SRP72: variants seen among roughly 807,000 people sequenced by gnomAD.
The protein encoded by SRP72 is signal recognition particle 72.
Under a neutral mutation model 96.3 loss-of-function variants are expected in SRP72, and 49 were observed. The observed-to-expected ratio is 0.51, with a 90% CI of 0.40 to 0.65. The LOEUF (loss-of-function observed/expected upper bound fraction) is 0.65, where lower values mean the gene tolerates loss of function less well. Ranked by LOEUF, SRP72 falls within the 30% of genes least tolerant of loss-of-function variation. SRP72 has a pLI of 0.00. For synonymous variants in SRP72, 267 were observed against 275.2 expected (o/e 0.97, Z 0.30); for missense variants, 736 against 793.3 (o/e 0.93, Z 0.87).
rs1453147327 is a variant in SRP72 at position 56,490,648 on chromosome 4, A to T, written c.1502+3A>T. Reference sequence around the variant, plus strand: ...GTAGATCCAGAGAAAGCCAAAGCGTATCCTTTTGATTGTTATTCCTTACAG... The same window carrying T: ...GTAGATCCAGAGAAAGCCAAAGCGTTTCCTTTTGATTGTTATTCCTTACAG... On this transcript the variant is annotated splice_donor_region_variant and intron_variant, in intron 15 of 18. Transcript: ENST00000642900. 3.7e-6 allele frequency: 6 copies of T among 1,612,488 alleles called. No homozygotes were observed. The highest frequency in any genetic ancestry group is 5.1e-6 in the Non-Finnish European group (6 of 1,178,728).
intron 17 of SRP72, among the ~76,000 whole-genome samples, chr4:56,497,664 AAAAAG>A (rs1234690016): frequency 1.3e-5 from 2 of 152,168 alleles, no homozygotes; most frequent in Non-Finnish European, 2.9e-5. Context: ...ATCTTTAAAA[AAAAAG>A]AAAAGGAGTA....
At position 56,503,505 on chromosome 4, in the gene SRP72, G is replaced by A. The variant is rs1336919506; in HGVS notation, c.*1644G>A. The A allele has an allele frequency of 6.6e-6, 1 of 152,166 alleles. No homozygotes were observed. The highest frequency in any genetic ancestry group is 1.5e-5 in the Non-Finnish European group (1 of 68,038). The allele number at this position is 152,166 out of a possible 1,614,324, so 9.4% of individuals were successfully genotyped here. A position where few individuals can be genotyped will look rare whatever the true frequency, so the allele number is the denominator to read the frequency against. ...AAATAAGTTTTAATTGTCAAATGAA[G>A]TATAAACACATGAACTTTCTAGAAA... On this transcript the variant is annotated 3_prime_UTR_variant, in exon 19 of 19. Transcript: ENST00000642900.
In SRP72 at chr4:56,503,009, T is replaced by C. The variant is rs1471015480; in HGVS notation, c.*1148T>C. The C allele has an allele frequency of 6.6e-6, 1 of 152,188 alleles. No individual in the cohort carries two copies. The allele number at this position is 152,188 out of a possible 1,614,324, so 9.4% of individuals were successfully genotyped here. ...TATTCATTTTATGCTGCCCAAGATA[T>C]CATTTAATTTAGACTTAACAAGTAT... On this transcript the variant is annotated 3_prime_UTR_variant, in exon 19 of 19. Coordinates refer to ENST00000642900, the MANE Select transcript of SRP72 (RefSeq NM_006947.4).
chr4:56,470,893 C>T (rs1409303660), intron 2 of SRP72, among the ~76,000 whole-genome samples: 1 of 147,500 alleles, frequency 6.8e-6, no homozygotes, highest in South Asian at 2.1e-4. Flanking sequence ...CCTCCACCTT[C>T]CGGGTTCACG....
intron 3 of SRP72, 125 bp from the exon 4 acceptor site, chr4:56,473,927 AAC>A (rs751054129): frequency 1.0e-4 from 85 of 847,572 alleles, no homozygotes; most frequent in Admixed American, 5.4e-4. Context: ...ATAAAACATA[AAC>A]AGTTGATTGT....
In SRP72 at chr4:56,490,612, C is replaced by T. The variant is rs1355773721; in HGVS notation, c.1469C>T (p.Ala490Val). The T allele has an allele frequency of 6.2e-7, 1 of 1,613,854 alleles. No homozygotes were observed. Among genetic ancestry groups the T allele is most frequent in the Non-Finnish European group, 8.5e-7 (1 of 1,179,944 alleles). ...DIHTLAQLISAYSLVDPEKAK... is the reference protein window; with the variant it reads ...DIHTLAQLISVYSLVDPEKAK... ...CACACCCTGGCACAGCTTATTTCTG[C>T]TTACTCACTTGTAGATCCAGAGAAA... The change falls in exon 15 of 19, where the codon GCT becomes GTT. Residue 490 changes from alanine to valine, a missense_variant. This residue lies in a region of SRP72 where 388 missense variants were observed against 431.8 expected (regional missense o/e 0.90). Coordinates refer to ENST00000642900, the MANE Select transcript of SRP72 (RefSeq NM_006947.4).
Position 56,467,653 on chromosome 4 carries a change from C to A in SRP72, c.18C>A (p.Ser6Arg). 1 of 1,550,872 alleles carries A rather than the reference C, an allele frequency of 6.4e-7. No homozygotes were observed. Among genetic ancestry groups the A allele is most frequent in the Non-Finnish European group, 8.7e-7 (1 of 1,149,498 alleles). Residue 6 changes from serine (S) to arginine (R), a missense_variant, in exon 1 of 19, where the codon AGC (serine) becomes AGA (arginine). Transcript: ENST00000642900. ...CCTCCAAGATGGCGAGCGGCGGCAGCGGGGGGGTGTCAGTACCTGCGCTGT... is the reference window on the plus strand; with the variant it reads ...CCTCCAAGATGGCGAGCGGCGGCAGAGGGGGGGTGTCAGTACCTGCGCTGT... MASGGSGGVSVPALWS... is the reference protein window; with the variant it reads MASGGRGGVSVPALWS...
At position 56,483,125 on chromosome 4, in the gene SRP72, C is replaced by T. The variant is rs750715544; in HGVS notation, c.826-14C>T. 7 of 1,605,042 alleles carry T rather than the reference C, an allele frequency of 4.4e-6. No homozygotes were observed. In the East Asian group the frequency reaches 1.3e-4, roughly 31 times the overall value. ...TGAGATTCTGTTAATGATAGATAAACTTTTCTTTGTTAGGACCAAAATGTC... is the reference window on the plus strand; with the variant it reads ...TGAGATTCTGTTAATGATAGATAAATTTTTCTTTGTTAGGACCAAAATGTC... On this transcript the variant is annotated splice_polypyrimidine_tract_variant and intron_variant, in intron 8 of 18. Transcript: ENST00000642900.
intron 10 of SRP72, among the ~76,000 whole-genome samples, chr4:56,485,362 C>T (rs1274913019): frequency 7.0e-6 from 1 of 141,916 alleles, no homozygotes; most frequent in Non-Finnish European, 1.5e-5. Flanking sequence ...CTAACAGGGA[C>T]ACTCAGTGAA....
chr4:56,479,305 A>G (rs1720376293), intron 8 of SRP72, among the ~76,000 whole-genome samples: 7 of 151,780 alleles, frequency 4.6e-5, no homozygotes, highest in Admixed American at 3.3e-4. Context: ...TCAGCCTCCC[A>G]AGTAGCTGGG....
Position 56,476,700 on chromosome 4 carries a change from A to G in SRP72, c.640A>G (p.Thr214Ala). The G allele has an allele frequency of 3.1e-6, 5 of 1,612,588 alleles. No individual in the cohort carries two copies. In the South Asian group the frequency reaches 5.5e-5, roughly 18 times the overall value. The change falls in exon 6 of 19, where the codon ACT (threonine) becomes GCT (alanine). Residue 214 changes from threonine to alanine, a missense_variant and splice_region_variant. By Grantham distance (58) the Thr-to-Ala change is moderately conservative. Transcript: ENST00000642900. ...TTGCCGCCGTTCATTATCAGAAGAC[A>G]CTGTAAGTATTCCATCATTGTTAAA... ...DLCRRSLSED[T>A]DGTEEDPQAE...
In SRP72 at chr4:56,503,067, A is replaced by G. The variant is rs1386426118; in HGVS notation, c.*1206A>G. On this transcript the variant is annotated 3_prime_UTR_variant, in exon 19 of 19. Transcript: ENST00000642900. The stretch of plus-strand genomic sequence containing the variant: ...TGATTATATTACTCTGTCCTTGTTA[A>G]TAAAGTGCTGCTGTGTTTGACTCTG... 2 of 152,200 alleles carry G rather than the reference A, an allele frequency of 1.3e-5. No individual in the cohort carries two copies. Among genetic ancestry groups the G allele is most frequent in the Non-Finnish European group, 2.9e-5 (2 of 68,038 alleles). The allele number at this position is 152,200 out of a possible 1,614,324, so 9.4% of individuals were successfully genotyped here.
intron 16 of SRP72, among the ~76,000 whole-genome samples, chr4:56,493,233 A>T (rs1037218307): frequency 4.0e-5 from 6 of 151,642 alleles, no homozygotes; most frequent in African/African-American, 1.5e-4. Flanking sequence ...ACAGGGTTTC[A>T]CCATGTCGAT....
rs1719987127 is a variant in SRP72 at position 56,471,742 on chromosome 4, G to T, written c.253G>T (p.Ala85Ser). ...CAGTAACTCTCTCTCCTTTGAAAAG[G>T]CATATTGCGAGTACAGGCTGAACAG... ...LANNSLSFEK[A>S]YCEYRLNRIE... The change falls in exon 3 of 19, where the codon GCA becomes TCA. Residue 85 changes from alanine to serine, a missense_variant. This residue lies in a region of SRP72 where 329 missense variants were observed against 319.0 expected (regional missense o/e 1.03). Transcript: ENST00000642900. 1 of 1,613,538 alleles carries T rather than the reference G, an allele frequency of 6.2e-7. No individual in the cohort carries two copies. Among genetic ancestry groups the T allele is most frequent in the Non-Finnish European group, 8.5e-7 (1 of 1,179,800 alleles).
chr4:56,469,519 AGTT>A, intron 1 of SRP72, 131 bp from the exon 2 acceptor site: 1 of 754,404 alleles, frequency 1.3e-6, no homozygotes, highest in East Asian at 2.7e-5. Flanking sequence ...TGTTTCTTCC[AGTT>A]GTTCTGACCA....
intron 9 of SRP72, among the ~76,000 whole-genome samples, chr4:56,483,707 G>A (rs1164465658): frequency 5.3e-5 from 8 of 151,920 alleles, no homozygotes; most frequent in Non-Finnish European, 8.8e-5. Context: ...ATGTGTCATA[G>A]ATTTTATTTA....
At chr4:56,469,510 G>A in intron 1 of SRP72, 143 bp from the exon 2 acceptor site, 1 of 671,688 alleles carries the variant, frequency 1.5e-6, no homozygotes. Context: ...TTTTGTTGCT[G>A]TTTCTTCCAG....
chr4:56,486,365 A>T lies in SRP72; in HGVS notation c.1127A>T (p.Lys376Met), dbSNP rs1195110084. 1.2e-6 allele frequency: 2 copies of T among 1,605,808 alleles called. No homozygotes were observed. Among genetic ancestry groups the T allele is most frequent in the Admixed American group, 1.7e-5 (1 of 59,668 alleles). Residue 376 changes from lysine (K) to methionine (M), a missense_variant, in exon 11 of 19, where the codon AAG becomes ATG. Coordinates refer to ENST00000642900, the MANE Select transcript of SRP72 (RefSeq NM_006947.4). ...DQHPENAAEI[K>M]LTMAQLKISQ... Reference sequence around the variant, plus strand: ...CATCCAGAAAATGCAGCTGAAATTAAGCTGACCATGGCACAGTTGAAAATT... The same window carrying T: ...CATCCAGAAAATGCAGCTGAAATTATGCTGACCATGGCACAGTTGAAAATT...
intron 3 of SRP72, among the ~76,000 whole-genome samples, chr4:56,473,511 G>A (rs181372106): frequency 0.011 from 1,608 of 151,694 alleles, 33 homozygotes; most frequent in African/African-American, 0.036. Context: ...GCTCACGCCT[G>A]TAATCCCAGC....
Sources: allele counts gnomAD v4.1 joint callset (sites outside exome capture counted in the v4.1 genomes callset), GRCh38; gene constraint gnomAD v4.1.1; regional missense constraint gnomAD v4.1.1; transcripts MANE v1.5; gene names NCBI Gene and HGNC (gene_info 2026-07-23, HGNC 2026-07-21).